LSAMP: variants seen among roughly 807,000 people sequenced by gnomAD.
LSAMP encodes the protein limbic system-associated membrane protein.
Under a neutral mutation model 38.6 loss-of-function variants are expected in LSAMP, and 7 were observed. The ratio of observed to expected loss-of-function variants is 0.18; its 90% CI spans 0.10 to 0.34. The LOEUF (loss-of-function observed/expected upper bound fraction) is 0.34, where lower values mean the gene tolerates loss of function less well. Among genes scored for constraint, LSAMP ranks in the 10% least tolerant of loss-of-function variants. The probability of loss-of-function intolerance (pLI) is 1.00; values close to 1 mark genes in which losing one functional copy is unlikely to be tolerated. For missense variants in LSAMP, 313 were observed against 420.0 expected (o/e 0.75, Z 2.23); for synonymous variants, 154 against 166.8 (o/e 0.92, Z 0.59).
intron 2 of LSAMP, among the ~76,000 whole-genome samples, chr3:116,056,236 T>A (rs1358539867): frequency 6.6e-6 from 1 of 152,210 alleles, no homozygotes; most frequent in Non-Finnish European, 1.5e-5. Flanking sequence ...GTATGCATAA[T>A]GTTCTGGATA....
At chr3:116,187,278 C>T (rs993073106) in intron 1 of LSAMP, among the ~76,000 whole-genome samples, 1 of 152,104 alleles carries the variant, frequency 6.6e-6, no homozygotes, top group Non-Finnish European at 1.5e-5. Flanking sequence ...TAAATTTAAG[C>T]TCTAACTGCC....
chr3:116,075,804 G>C lies in LSAMP; in HGVS notation c.388+10520C>G, dbSNP rs191684849. Among the ~76,000 whole-genome samples the C allele has an allele frequency of 1.4e-4, 21 of 152,236 alleles. No individual in the cohort carries two copies. In the East Asian group the frequency reaches 4.1e-3, roughly 29 times the overall value. ...GATCCGCTCACCTCAGCCTCCCAAA[G>C]TGTTGGGATTACAAGTGTGAGCCAC... On this transcript the variant is annotated intron_variant, in intron 2 of 6. Coordinates refer to ENST00000490035, the MANE Select transcript of LSAMP (RefSeq NM_002338.5).
chr3:116,393,484 C>T (rs534207769), intron 1 of LSAMP, among the ~76,000 whole-genome samples: 93 of 152,174 alleles, frequency 6.1e-4, no homozygotes, highest in Non-Finnish European at 1.2e-3. Context: ...GCTCACATAC[C>T]CCTCACTGCC....
At chr3:115,925,388 G>A (rs1405818650) in intron 3 of LSAMP, among the ~76,000 whole-genome samples, 1 of 152,098 alleles carries the variant, frequency 6.6e-6, no homozygotes, top group African/African-American at 2.4e-5. Flanking sequence ...TGCCATTTTG[G>A]AATAATTTTA....
intron 1 of LSAMP, among the ~76,000 whole-genome samples, chr3:116,273,683 C>CAGATT (rs150705226): frequency 9.9e-5 from 5 of 50,528 alleles, no homozygotes; most frequent in Non-Finnish European, 1.3e-4. Context: ...GAGAAAGAGG[C>CAGATT]ATATATATAT....
Position 116,391,306 on chromosome 3 carries a change from G to T in LSAMP, c.155+53571C>A, listed in dbSNP as rs564053657. On this transcript the variant is annotated intron_variant, in intron 1 of 6. Transcript: ENST00000490035. ...GACCCCTGTGCCCCGCCCCCCCCGT[G>T]CCCCATGTCCCCGAGGCCGCTGACT... Among the ~76,000 whole-genome samples the T allele has an allele frequency of 4.1e-3, 625 of 151,854 alleles. 4 individuals are homozygous for T. The highest frequency in any genetic ancestry group is 0.014 in the African/African-American group (584 of 41,284).
intron 1 of LSAMP, among the ~76,000 whole-genome samples, chr3:116,131,324 G>A (rs915606904): frequency 2.0e-5 from 3 of 152,066 alleles, no homozygotes; most frequent in African/African-American, 7.2e-5. Flanking sequence ...TTCAGCGTTT[G>A]TAGGTTGGCC....
intron 1 of LSAMP, among the ~76,000 whole-genome samples, chr3:116,371,491 T>C (rs1161015220): frequency 6.6e-6 from 1 of 152,042 alleles, no homozygotes; most frequent in Non-Finnish European, 1.5e-5. Context: ...AACATCCTTT[T>C]ACAACAAAAA....
chr3:116,208,752 G>A (rs2046106503), intron 1 of LSAMP, among the ~76,000 whole-genome samples: 1 of 152,200 alleles, frequency 6.6e-6, no homozygotes. Flanking sequence ...GAGGCTGTCT[G>A]CTGTTCTCAG....
intron 1 of LSAMP, among the ~76,000 whole-genome samples, chr3:116,340,739 A>G (rs2047981405): frequency 6.6e-6 from 1 of 152,032 alleles, no homozygotes; most frequent in South Asian, 2.1e-4. Flanking sequence ...CTGTGTGTAA[A>G]CTCAGATCCA....
chr3:116,221,495 C>T (rs531105986), intron 1 of LSAMP, among the ~76,000 whole-genome samples: 13 of 152,292 alleles, frequency 8.5e-5, no homozygotes, highest in Middle Eastern at 3.4e-3. Context: ...TGAGCCTCCA[C>T]TCATTTGTCT....
At chr3:115,962,875 A>G (rs1938675496) in intron 3 of LSAMP, among the ~76,000 whole-genome samples, 1 of 152,184 alleles carries the variant, frequency 6.6e-6, no homozygotes, top group South Asian at 2.1e-4. Flanking sequence ...ACATGTGCCA[A>G]TTAATCAAAG....
intron 2 of LSAMP, among the ~76,000 whole-genome samples, chr3:116,062,473 G>A (rs945160008): frequency 2.0e-5 from 3 of 152,088 alleles, no homozygotes; most frequent in Admixed American, 1.3e-4. Context: ...CCGGGATTGT[G>A]CCACTGCACT....
At chr3:116,438,432 G>A (rs1006253671) in intron 1 of LSAMP, among the ~76,000 whole-genome samples, 1 of 152,112 alleles carries the variant, frequency 6.6e-6, no homozygotes, top group Admixed American at 6.6e-5. Flanking sequence ...CTATTAAGAG[G>A]TTGATCTTCT....
At chr3:116,109,256 C>G (rs925410689) in intron 1 of LSAMP, among the ~76,000 whole-genome samples, 3 of 151,972 alleles carry the variant, frequency 2.0e-5, no homozygotes, top group Non-Finnish European at 2.9e-5. Context: ...GGCTAGTCAC[C>G]GAACGAAACT....
intron 1 of LSAMP, among the ~76,000 whole-genome samples, chr3:116,409,418 C>A (rs1356039934): frequency 1.3e-5 from 2 of 151,980 alleles, no homozygotes. Context: ...TCACTCATCC[C>A]ATTTCCCTTT....
chr3:116,196,760 G>C (rs1487550971), intron 1 of LSAMP, among the ~76,000 whole-genome samples: 1 of 152,114 alleles, frequency 6.6e-6, no homozygotes. Flanking sequence ...AAGTGTATCA[G>C]TCTCACTTTG....
chr3:116,369,650 T>A (rs762111234), intron 1 of LSAMP, among the ~76,000 whole-genome samples: 1 of 152,190 alleles, frequency 6.6e-6, no homozygotes, highest in Non-Finnish European at 1.5e-5. Context: ...TGTTATTGAC[T>A]GGAATTACGT....
At chr3:116,023,650 C>T (rs1940702493) in intron 2 of LSAMP, among the ~76,000 whole-genome samples, 1 of 151,138 alleles carries the variant, frequency 6.6e-6, no homozygotes, top group African/African-American at 2.4e-5. Flanking sequence ...TAGCCTTCCT[C>T]TCTTCATGCT....
Sources: allele counts gnomAD v4.1 joint callset (sites outside exome capture counted in the v4.1 genomes callset), GRCh38; gene constraint gnomAD v4.1.1; transcripts MANE v1.5; gene names NCBI Gene and HGNC (gene_info 2026-07-23, HGNC 2026-07-21).